CAMK1D: variants seen among roughly 807,000 people sequenced by gnomAD.
CAMK1D encodes calcium/calmodulin dependent protein kinase ID, also known as calcium/calmodulin-dependent protein kinase type 1D.
A neutral mutation model predicts 47.7 loss-of-function variants in CAMK1D; 9 were observed. The ratio of observed to expected loss-of-function variants is 0.19; its 90% CI spans 0.11 to 0.33. The LOEUF (loss-of-function observed/expected upper bound fraction) is 0.33, where lower values mean the gene tolerates loss of function less well. Ranked by LOEUF, CAMK1D falls within the 10% of genes least tolerant of loss-of-function variation. The pLI is 1.00. For missense variants in CAMK1D, 291 were observed against 488.7 expected, an observed-to-expected ratio of 0.60 and a Z score of 3.81; for synonymous variants, 184 against 184.9, an observed-to-expected ratio of 0.99 and a Z score of 0.04.
chr10:12,513,513 G>A (rs1193835416), intron 1 of CAMK1D, among the ~76,000 whole-genome samples: 1 of 152,162 alleles, frequency 6.6e-6, no homozygotes. Context: ...TAGGCCGGGC[G>A]TGGTGATTCA....
chr10:12,587,000 A>G (rs925394055), intron 2 of CAMK1D, among the ~76,000 whole-genome samples: 3 of 152,030 alleles, frequency 2.0e-5, no homozygotes, highest in African/African-American at 2.4e-5. Context: ...CTTACAGGAG[A>G]ATGGGGACCA....
chr10:12,356,208 G>T (rs1342622371), intron 1 of CAMK1D, among the ~76,000 whole-genome samples: 1 of 152,124 alleles, frequency 6.6e-6, no homozygotes, highest in Non-Finnish European at 1.5e-5. Context: ...ACCTCACCTG[G>T]CCGAATTCCG....
At chr10:12,368,605 A>C (rs986029328) in intron 1 of CAMK1D, among the ~76,000 whole-genome samples, 13 of 151,892 alleles carry the variant, frequency 8.6e-5, no homozygotes, top group African/African-American at 3.1e-4. Context: ...GCTTGTTGTG[A>C]GGTTTTGTTG....
intron 1 of CAMK1D, among the ~76,000 whole-genome samples, chr10:12,429,842 CCTCTGGTGAATCCCT>C (rs1840381716): frequency 6.6e-6 from 1 of 152,136 alleles, no homozygotes; most frequent in Non-Finnish European, 1.5e-5. Context: ...CAAGGTTTCA[CCTCTGGTGAATCCCT>C]CCACCGAGGA....
At chr10:12,708,746 G>C (rs138133567) in intron 3 of CAMK1D, among the ~76,000 whole-genome samples, 38 of 152,222 alleles carry the variant, frequency 2.5e-4, no homozygotes, top group Admixed American at 9.8e-4. Context: ...AGGTTGTTAG[G>C]GACTCTTTGG....
chr10:12,470,663 C>T (rs1439780711), intron 1 of CAMK1D, among the ~76,000 whole-genome samples: 3 of 152,080 alleles, frequency 2.0e-5, no homozygotes, highest in Non-Finnish European at 4.4e-5. Context: ...ATTACTGGTG[C>T]CTGCCACAAC....
intron 10 of CAMK1D, 94 bp from the exon 11 acceptor site, chr10:12,828,675 A>T: frequency 1.4e-6 from 1 of 736,092 alleles, no homozygotes; most frequent in Non-Finnish European, 2.2e-6. Context: ...CCCGCCCCCC[A>T]CCATAAACCC....
At chr10:12,620,057 T>C (rs1838942938) in intron 2 of CAMK1D, among the ~76,000 whole-genome samples, 1 of 152,156 alleles carries the variant, frequency 6.6e-6, no homozygotes, top group Non-Finnish European at 1.5e-5. Context: ...ATTTCACAGT[T>C]TGAGTGTACC....
At chr10:12,814,704 C>G (rs902405980) in intron 7 of CAMK1D, among the ~76,000 whole-genome samples, 1 of 152,118 alleles carries the variant, frequency 6.6e-6, no homozygotes, top group African/African-American at 2.4e-5. Flanking sequence ...CCTAATTACC[C>G]CTAAAAGGTC....
rs10635900 is a variant in CAMK1D, at chr10:12,401,895, C to CTATATATATATA, written c.92+51993_92+52004dup. 5.1e-4 allele frequency among the ~76,000 whole-genome samples: 75 copies of CTATATATATATA among 146,140 alleles called. No individual in the cohort carries two copies. In the Middle Eastern group the frequency reaches 0.018, roughly 35 times the overall value. On this transcript the variant is annotated intron_variant, in intron 1 of 10. Coordinates refer to ENST00000619168, the MANE Select transcript of CAMK1D (RefSeq NM_153498.4). ...GTCCGGGAATATATATATTCTCAGA[C>CTATATATATATA]TATATATATATATATATATGGACAG...
intron 1 of CAMK1D, among the ~76,000 whole-genome samples, chr10:12,475,532 T>G (rs1400553593): frequency 6.6e-6 from 1 of 152,224 alleles, no homozygotes; most frequent in African/African-American, 2.4e-5. Context: ...CCTCTATCCA[T>G]GGGTACCCGG....
chr10:12,445,212 C>T (rs73569408), intron 1 of CAMK1D, among the ~76,000 whole-genome samples: 1,669 of 152,236 alleles, frequency 0.011, 17 homozygotes, highest in East Asian at 0.055. Flanking sequence ...GAGGTGTGTC[C>T]GATCCTCCCT....
intron 1 of CAMK1D, among the ~76,000 whole-genome samples, chr10:12,408,129 A>T (rs986761738): frequency 1.3e-5 from 2 of 151,350 alleles, no homozygotes; most frequent in African/African-American, 4.9e-5. Flanking sequence ...GAGTGCTGGG[A>T]TTACAGGCAT....
intron 2 of CAMK1D, among the ~76,000 whole-genome samples, chr10:12,646,905 G>A (rs151127821): frequency 1.8e-3 from 270 of 152,068 alleles, no homozygotes; most frequent in East Asian, 0.011. Context: ...GCAGTGGTGC[G>A]ATTTCGGCTC....
At chr10:12,570,570 C>T (rs1444736089) in intron 2 of CAMK1D, among the ~76,000 whole-genome samples, 1 of 151,312 alleles carries the variant, frequency 6.6e-6, no homozygotes, top group African/African-American at 2.4e-5. Context: ...ATCCCAGCTA[C>T]TCAGGAGGCT....
intron 1 of CAMK1D, among the ~76,000 whole-genome samples, chr10:12,439,554 A>G (rs555691821): frequency 5.3e-5 from 8 of 152,150 alleles, no homozygotes; most frequent in Admixed American, 2.0e-4. Flanking sequence ...AGTGTTGTCA[A>G]TGTGCACATC....
intron 2 of CAMK1D, among the ~76,000 whole-genome samples, chr10:12,630,289 C>A (rs914644522): frequency 6.6e-6 from 1 of 151,540 alleles, no homozygotes. Flanking sequence ...CCCCTTAAAT[C>A]CCCCTTCTGC....
intron 3 of CAMK1D, among the ~76,000 whole-genome samples, chr10:12,667,712 A>T (rs1840477984): frequency 6.6e-6 from 1 of 152,212 alleles, no homozygotes; most frequent in Admixed American, 6.5e-5. Context: ...AATGATTTTG[A>T]GACTTTGGAT....
At chr10:12,589,578 G>A (rs192507980) in intron 2 of CAMK1D, among the ~76,000 whole-genome samples, 13 of 152,248 alleles carry the variant, frequency 8.5e-5, no homozygotes, top group South Asian at 4.2e-4. Flanking sequence ...TCCCCAGCCC[G>A]GAATGAGCAA....
Sources: gnomAD v4.1 joint callset for allele counts (sites outside exome capture counted in the v4.1 genomes callset) on GRCh38, gnomAD v4.1.1 for gene constraint, MANE v1.5 for transcripts, NCBI Gene and HGNC (gene_info 2026-07-23, HGNC 2026-07-21) for gene names.